OSBPL6: variants seen among roughly 807,000 people sequenced by gnomAD.
The protein encoded by OSBPL6 is oxysterol-binding protein-related protein 6.
A neutral mutation model predicts 125.8 loss-of-function variants in OSBPL6; 49 were observed. That is an observed-to-expected ratio of 0.39 (90% confidence interval 0.31 to 0.49). The LOEUF (loss-of-function observed/expected upper bound fraction) is 0.49, where lower values mean the gene tolerates loss of function less well. Among genes scored for constraint, OSBPL6 ranks in the 20% least tolerant of loss-of-function variants. The pLI, the probability that OSBPL6 is intolerant of heterozygous loss-of-function variation, is 0.88. For missense variants in OSBPL6, 986 were observed against 1,135.4 expected (o/e 0.87, Z 1.89); for synonymous variants, 394 against 391.8 (o/e 1.01, Z -0.07).
chr2:178,332,645 A>G lies in OSBPL6; in HGVS notation c.377A>G (p.Gln126Arg), dbSNP rs759070943. The G allele has an allele frequency of 6.2e-6, 10 of 1,610,902 alleles. No homozygotes were observed. The South Asian group carries it at 9.9e-5, about 16-fold the overall frequency. The change falls in exon 7 of 25, where the codon CAG becomes CGG. Residue 126 changes from glutamine (Q) to arginine (R), a missense_variant. Physicochemically the swap from Gln to Arg is conservative, Grantham distance 43. This residue lies in a region of OSBPL6 where 843 missense variants were observed against 997.3 expected (regional missense o/e 0.85). Transcript: ENST00000190611. ...LKYSKAPLDI[Q>R]KGKVHGSIDV... is the part of the protein sequence containing the mutation. ...TTACTAGTCTTTTGATTTCAGATTC[A>G]GAAAGGAAAGGTCCATGGGAGCATA...
chr2:178,216,416 A>G (rs1325396138), intron 1 of OSBPL6, among the ~76,000 whole-genome samples: 9 of 152,236 alleles, frequency 5.9e-5, no homozygotes, highest in Admixed American at 1.3e-4. Context: ...TAGAGTGTCA[A>G]AATAAATGAG....
intron 2 of OSBPL6, among the ~76,000 whole-genome samples, chr2:178,303,928 AAC>A (rs1488676069): frequency 1.3e-5 from 2 of 152,124 alleles, no homozygotes; most frequent in African/African-American, 4.8e-5. Flanking sequence ...ACCCTTTAGT[AAC>A]ACAAATCTGG....
Position 178,231,638 on chromosome 2 carries a change from A to ATTT in OSBPL6, c.-351+36988_-351+36990dup, listed in dbSNP as rs71023433. Among the ~76,000 whole-genome samples, 589 of 84,568 alleles carry ATTT rather than the reference A, an allele frequency of 7.0e-3. 59 individuals are homozygous for ATTT. The highest frequency in any genetic ancestry group is 0.031 in the African/African-American group (560 of 18,136). The allele number at this position is 84,568 out of a possible 152,430, so 55.5% of individuals were successfully genotyped here. ...TCCTGACCACCACCAGGGTGGTCCCATTTTTTTTTTTTTTTTTTTTTTTTT... is the reference window on the plus strand; with the variant it reads ...TCCTGACCACCACCAGGGTGGTCCCATTTTTTTTTTTTTTTTTTTTTTTTTTTT... On this transcript the variant is annotated intron_variant, in intron 1 of 24. Transcript: ENST00000190611.
At chr2:178,327,553 A>G (rs931414775) in intron 4 of OSBPL6, among the ~76,000 whole-genome samples, 18 of 152,224 alleles carry the variant, frequency 1.2e-4, no homozygotes, top group Non-Finnish European at 2.6e-4. Context: ...AGCCACAGGC[A>G]TTAGACTTTT....
chr2:178,255,116 C>T (rs536329654), intron 1 of OSBPL6, among the ~76,000 whole-genome samples: 1 of 152,198 alleles, frequency 6.6e-6, no homozygotes, highest in African/African-American at 2.4e-5. Context: ...CCAGCTAGGC[C>T]AGCATGGCAA....
chr2:178,244,141 G>C (rs770613604), intron 1 of OSBPL6, among the ~76,000 whole-genome samples: 1 of 152,150 alleles, frequency 6.6e-6, no homozygotes, highest in Admixed American at 6.5e-5. Context: ...CCGCTGGTCT[G>C]GTTTAAATTC....
chr2:178,336,326 A>C lies in OSBPL6; in HGVS notation c.683A>C (p.Gln228Pro). The change falls in exon 9 of 25, where the codon CAG becomes CCG. Residue 228 changes from glutamine to proline, a missense_variant. Gln to Pro is a moderately conservative substitution (Grantham distance 76, BLOSUM62 -1). Around this residue, in one of 3 missense-constraint regions of OSBPL6, gnomAD observed 843 missense variants for 997.3 expected, o/e 0.85. Transcript: ENST00000190611. Reference protein sequence around the residue: ...GKMQPNSFPWQSPLPCSNSLP... With the variant: ...GKMQPNSFPWPSPLPCSNSLP... ...ATGCAACCAAACAGCTTTCCGTGGC[A>C]GTCCCCTTTACCATGCAGCAATAGC... is the stretch of plus-strand genomic sequence containing the variant. 6.2e-7 allele frequency: 1 copy of C among 1,614,096 alleles called. No individual in the cohort carries two copies. Among genetic ancestry groups the C allele is most frequent in the East Asian group, 2.2e-5 (1 of 44,880 alleles).
At chr2:178,352,392 C>A (rs1316337877) in intron 12 of OSBPL6, among the ~76,000 whole-genome samples, 1 of 152,202 alleles carries the variant, frequency 6.6e-6, no homozygotes, top group Admixed American at 6.5e-5. Flanking sequence ...CCAAATACTG[C>A]ACTTTTCCCA....
At chr2:178,285,673 A>G (rs945936492) in intron 2 of OSBPL6, among the ~76,000 whole-genome samples, 1 of 152,212 alleles carries the variant, frequency 6.6e-6, no homozygotes, top group African/African-American at 2.4e-5. Flanking sequence ...GCCGCTTTAT[A>G]TAACTATTTG....
intron 2 of OSBPL6, among the ~76,000 whole-genome samples, chr2:178,297,177 A>G (rs1685834609): frequency 6.6e-6 from 1 of 152,014 alleles, no homozygotes; most frequent in African/African-American, 2.4e-5. Flanking sequence ...GACAACTGAG[A>G]GATTTTATCT....
intron 20 of OSBPL6, among the ~76,000 whole-genome samples, chr2:178,388,381 G>A (rs758797638): frequency 1.3e-4 from 20 of 152,084 alleles, no homozygotes; most frequent in Non-Finnish European, 2.2e-4. Context: ...GGAATCCTGC[G>A]GTGGCCCATT....
chr2:178,213,529 T>A (rs1372558851), intron 1 of OSBPL6, among the ~76,000 whole-genome samples: 4 of 152,006 alleles, frequency 2.6e-5, no homozygotes, highest in Non-Finnish European at 4.4e-5. Context: ...GCCTCCATCG[T>A]CTCCTTCCTA....
At chr2:178,366,118 G>C (rs6760017) in intron 13 of OSBPL6, among the ~76,000 whole-genome samples, 115,282 of 152,136 alleles carry the variant, frequency 0.76, 44,030 homozygotes, top group East Asian at 1. Context: ...TCTCGAACTC[G>C]TGGCCTCAAG....
At chr2:178,234,109 A>G (rs995756551) in intron 1 of OSBPL6, among the ~76,000 whole-genome samples, 6 of 152,210 alleles carry the variant, frequency 3.9e-5, no homozygotes, top group Non-Finnish European at 7.3e-5. Context: ...TTTTCATAAC[A>G]GTTCTTAATG....
intron 3 of OSBPL6, among the ~76,000 whole-genome samples, chr2:178,307,919 G>A (rs7559527): frequency 0.18 from 26,796 of 152,150 alleles, 2,553 homozygotes; most frequent in Admixed American, 0.24. Flanking sequence ...AAAGCAATAG[G>A]GAAACACTGA....
At chr2:178,372,404 G>C (rs1285552785) in intron 14 of OSBPL6, among the ~76,000 whole-genome samples, 171 bp downstream of exon 14, 1 of 152,076 alleles carries the variant, frequency 6.6e-6, no homozygotes, top group African/African-American at 2.4e-5. Context: ...ATAAGAGCTT[G>C]ACATCATTTA....
At chr2:178,280,204 T>TA (rs1559195278) in intron 1 of OSBPL6, among the ~76,000 whole-genome samples, 14 of 151,658 alleles carry the variant, frequency 9.2e-5, no homozygotes, top group South Asian at 2.1e-4. Context: ...TCAAAAAAAT[T>TA]TAAAAAAAAT....
At chr2:178,370,270 G>A (rs1248690060) in intron 13 of OSBPL6, among the ~76,000 whole-genome samples, 1 of 151,842 alleles carries the variant, frequency 6.6e-6, no homozygotes, top group African/African-American at 2.4e-5. Context: ...GTCTCAAAAC[G>A]AACAACAACA....
intron 1 of OSBPL6, among the ~76,000 whole-genome samples, chr2:178,272,592 C>T (rs1198936048): frequency 6.6e-6 from 1 of 152,084 alleles, no homozygotes; most frequent in Non-Finnish European, 1.5e-5. Flanking sequence ...GTTGGCAGAT[C>T]ACTAGTCGGT....
Sources: gnomAD v4.1 joint callset for allele counts (sites outside exome capture counted in the v4.1 genomes callset) on GRCh38, gnomAD v4.1.1 for gene constraint, gnomAD v4.1.1 regional missense constraint, MANE v1.5 for transcripts, NCBI Gene and HGNC (gene_info 2026-07-23, HGNC 2026-07-21) for gene names.